The following PCDHGA4 variants were observed in gnomAD, a reference collection of about 807,000 sequenced individuals.
The protein encoded by PCDHGA4 is protocadherin gamma-A4.
A neutral mutation model predicts 54.6 loss-of-function variants in PCDHGA4; 38 were observed. That is an observed-to-expected ratio of 0.70 (90% CI 0.54 to 0.91). The LOEUF (loss-of-function observed/expected upper bound fraction) is 0.91. Ranked by LOEUF, PCDHGA4 falls within the 40% of genes least tolerant of loss-of-function variation. PCDHGA4 has a pLI of 0.00. For missense variants in PCDHGA4, 1,298 were observed against 1,220.9 expected, an observed-to-expected ratio of 1.06 and a Z score of -0.94; for synonymous variants, 511 against 512.9, an observed-to-expected ratio of 1.00 and a Z score of 0.05.
rs374575578 is a variant in PCDHGA4 at position 141,409,643 on chromosome 5, T to G, written c.2514+52022T>G. 4.3e-6 allele frequency: 7 copies of G among 1,613,620 alleles called. No homozygotes were observed. The African/African-American group carries it at 8.0e-5, about 18-fold the overall frequency. ...GCAAGTGAGCGCCTCTGACCCGGAT[T>G]TGGGGCTCAATGGCCACATCTCCTA... On this transcript the variant is annotated intron_variant, in intron 1 of 3. Coordinates refer to ENST00000571252, the MANE Select transcript of PCDHGA4 (RefSeq NM_018917.4).
intron 1 of PCDHGA4, chr5:141,393,547 C>T (rs761723933): frequency 4.3e-6 from 7 of 1,613,938 alleles, no homozygotes; most frequent in South Asian, 1.1e-5. Flanking sequence ...TTTCCTCACC[C>T]GATTTACCGA....
rs199514730 is a variant in PCDHGA4 at position 141,374,139 on chromosome 5, T to C, written c.2514+16518T>C. 615 of 1,609,262 alleles carry C rather than the reference T, an allele frequency of 3.8e-4. No individual in the cohort carries two copies. Among genetic ancestry groups the C allele is most frequent in the Non-Finnish European group, 4.6e-4 (547 of 1,177,006 alleles). ...AGCGAGCAGGTCCTGCTCCTCACGC[T>C]CCTGGGGACGCTGTGGGGGGCCGCG... On this transcript the variant is annotated intron_variant, in intron 1 of 3. Transcript: ENST00000571252.
chr5:141,394,428 G>A lies in PCDHGA4; in HGVS notation c.2514+36807G>A, dbSNP rs199658498. On this transcript the variant is annotated intron_variant, in intron 1 of 3. Coordinates refer to ENST00000571252, the MANE Select transcript of PCDHGA4 (RefSeq NM_018917.4). ...ACTGGTAACAGCCAGCGACAGCGGG[G>A]ACCCGCCCCTCAGCAGCAACATGTC... 332 of 1,614,232 alleles carry A rather than the reference G, an allele frequency of 2.1e-4. 3 individuals are homozygous for A. In the African/African-American group the frequency reaches 4.0e-3, roughly 19 times the overall value.
intron 1 of PCDHGA4, chr5:141,427,278 A>G (rs981860450): frequency 2.2e-6 from 1 of 456,706 alleles, no homozygotes; most frequent in Non-Finnish European, 4.4e-6. Context: ...ATGTAAAATT[A>G]TACTAGAAAT....
chr5:141,378,973 A>G (rs1775276722), intron 1 of PCDHGA4: 1 of 152,222 alleles, frequency 6.6e-6, no homozygotes, highest in South Asian at 2.1e-4. Context: ...TAATTTGATG[A>G]CTTGTTGAAC....
In PCDHGA4 at chr5:141,364,165, C is replaced by A. The variant is rs556224229; in HGVS notation, c.2514+6544C>A. ...GGAAAGAAGCTGCCGCAGAGGCGAC[C>A]CGACTCTGCTCCCTCCATACTAAAC... On this transcript the variant is annotated intron_variant, in intron 1 of 3. Coordinates refer to ENST00000571252, the MANE Select transcript of PCDHGA4 (RefSeq NM_018917.4). The A allele has an allele frequency of 4.3e-6, 3 of 699,866 alleles. No individual in the cohort carries two copies. In the Admixed American group the frequency reaches 1.1e-4, roughly 26 times the overall value. 43.4% of individuals were successfully genotyped at this position (699,866 alleles called of 1,614,324 possible).
intron 1 of PCDHGA4, chr5:141,374,602 T>A (rs747550525): frequency 9.9e-6 from 16 of 1,613,534 alleles, no homozygotes; most frequent in Non-Finnish European, 1.3e-5. Flanking sequence ...TTAAGCTCAG[T>A]GGTAATAGTC....
intron 1 of PCDHGA4, chr5:141,478,072 G>A (rs752905249): frequency 6.2e-7 from 1 of 1,614,048 alleles, no homozygotes; most frequent in Admixed American, 1.7e-5. Flanking sequence ...AAGACAATGG[G>A]GAGCCTTCGC....
intron 1 of PCDHGA4, chr5:141,478,713 G>A (rs745990290): frequency 1.9e-6 from 3 of 1,546,642 alleles, no homozygotes; most frequent in African/African-American, 2.7e-5. Context: ...TTGTGAGATG[G>A]TGGCCTGCCA....
At chr5:141,393,821 G>T (rs2240700) in intron 1 of PCDHGA4, 228,339 of 1,613,716 alleles carry the variant, frequency 0.14, 18,414 homozygotes, top group African/African-American at 0.32. Context: ...TGCTCATTTC[G>T]GTGGAAGATG....
At position 141,477,177 on chromosome 5, in the gene PCDHGA4, T is replaced by C; in HGVS notation, c.2515-17630T>C. The C allele has an allele frequency of 6.2e-7, 1 of 1,614,160 alleles. No individual in the cohort carries two copies. On this transcript the variant is annotated intron_variant, in intron 1 of 3. Coordinates refer to ENST00000571252, the MANE Select transcript of PCDHGA4 (RefSeq NM_018917.4). This position sits in a 1 kb window ranked among gnomAD's most constrained non-coding sequence, Gnocchi z 4.9. Reference sequence around the variant, plus strand: ...AATGACAACGCCCCGGAGATCACAGTCACCTCCGTGTACAGCCCAGTACCC... The same window carrying C: ...AATGACAACGCCCCGGAGATCACAGCCACCTCCGTGTACAGCCCAGTACCC...
At chr5:141,405,441 A>G (rs1049992632) in intron 1 of PCDHGA4, 1 of 1,376,552 alleles carries the variant, frequency 7.3e-7, no homozygotes, top group Non-Finnish European at 1.0e-6. Context: ...TGTTTTTGAG[A>G]CAGAGTCTTA....
At chr5:141,384,266 C>T in intron 1 of PCDHGA4, 1 of 1,613,876 alleles carries the variant, frequency 6.2e-7, no homozygotes. Context: ...CCCCACTCAT[C>T]CTACTCAGTC....
intron 2 of PCDHGA4, among the ~76,000 whole-genome samples, chr5:141,498,394 A>G (rs1043900807): frequency 6.6e-6 from 1 of 152,096 alleles, no homozygotes; most frequent in Non-Finnish European, 1.5e-5. Flanking sequence ...AGGGAATGGC[A>G]GGGAGTTTTC....
Position 141,477,200 on chromosome 5 carries a change from C to T in PCDHGA4, c.2515-17607C>T. ...AGTCACCTCCGTGTACAGCCCAGTACCCGAGGATGCCCCTCTGGGGACTGT... is the reference window on the plus strand; with the variant it reads ...AGTCACCTCCGTGTACAGCCCAGTATCCGAGGATGCCCCTCTGGGGACTGT... On this transcript the variant is annotated intron_variant, in intron 1 of 3. Transcript: ENST00000571252. This position sits in a 1 kb window ranked among gnomAD's most constrained non-coding sequence, Gnocchi z 4.9. The T allele has an allele frequency of 1.2e-6, 2 of 1,614,206 alleles. No individual in the cohort carries two copies. The highest frequency in any genetic ancestry group is 1.3e-5 in the African/African-American group (1 of 75,056).
At chr5:141,394,992 G>T (rs1392246245) in intron 1 of PCDHGA4, 50 of 1,614,044 alleles carry the variant, frequency 3.1e-5, no homozygotes, top group Non-Finnish European at 4.2e-5. Context: ...CCTGCTCCAG[G>T]ATTCCGGTGG....
At chr5:141,408,177 G>C (rs1359754385) in intron 1 of PCDHGA4, 3 of 1,534,464 alleles carry the variant, frequency 2.0e-6, no homozygotes, top group Non-Finnish European at 2.6e-6. Context: ...GGAAAAGCGG[G>C]GACCCAGCGA....
At position 141,418,416 on chromosome 5, in the gene PCDHGA4, C is replaced by A. The variant is rs377542164; in HGVS notation, c.2514+60795C>A. On this transcript the variant is annotated intron_variant, in intron 1 of 3. Transcript: ENST00000571252. ...TTCTCATTGGTGGAGAAAGACAATC[C>A]TGATGGTGGCAAATATCCAGAATTA... The A allele has an allele frequency of 3.7e-6, 6 of 1,613,866 alleles. No individual in the cohort carries two copies. The African/African-American group carries it at 8.0e-5, about 22-fold the overall frequency.
intron 1 of PCDHGA4, chr5:141,367,007 C>A: frequency 2.3e-6 from 1 of 430,082 alleles, no homozygotes; most frequent in Non-Finnish European, 4.0e-6. Context: ...TCATTTTACC[C>A]AAATATTTTG....
Sources: allele counts gnomAD v4.1 joint callset (sites outside exome capture counted in the v4.1 genomes callset), GRCh38; gene constraint gnomAD v4.1.1; non-coding constraint Gnocchi (gnomAD v3.1); transcripts MANE v1.5; gene names NCBI Gene and HGNC (gene_info 2026-07-23, HGNC 2026-07-21).